Variants in KLHL20 observed in about 807,000 individuals in gnomAD.
KLHL20 encodes kelch like family member 20.
KLHL20 carries 29 observed loss-of-function variants against 69.5 expected under a neutral mutation model. The ratio of observed to expected loss-of-function variants is 0.42; its 90% confidence interval spans 0.31 to 0.57. KLHL20 has a LOEUF of 0.57. Among genes scored for constraint, KLHL20 ranks in the 20% least tolerant of loss-of-function variants. KLHL20 has a pLI of 0.18. For missense variants in KLHL20, 419 were observed against 776.0 expected, an observed-to-expected ratio of 0.54 and a Z score of 5.47; for synonymous variants, 253 against 265.2, an observed-to-expected ratio of 0.95 and a Z score of 0.45.
intron 3 of KLHL20, chr1:173,741,653 G>T: frequency 1.7e-6 from 1 of 576,936 alleles, no homozygotes; most frequent in Non-Finnish European, 2.7e-6. Flanking sequence ...CTTTCTGGTG[G>T]TGATGACCTT....
In KLHL20 at chr1:173,782,147, A is replaced by C. The variant is rs1648922261; in HGVS notation, c.1662A>C (p.Gly554=). The change falls in exon 11 of 12, where the codon GGA becomes GGC. Residue 554 remains glycine, a synonymous_variant. Transcript: ENST00000209884. ...RSGVGLAVVN[G]QLMAVGGFDG... The stretch of plus-strand genomic sequence containing the variant: ...AGGTTGGCCTGGCAGTGGTCAATGG[A>C]CAGCTCATGGCAGTAGGAGGTTTTG... 1 of 1,614,100 alleles carries C rather than the reference A, an allele frequency of 6.2e-7. No individual in the cohort carries two copies. The highest frequency in any genetic ancestry group is 1.3e-5 in the African/African-American group (1 of 75,056).
At chr1:173,777,054 T>C (rs1353014145) in intron 10 of KLHL20, among the ~76,000 whole-genome samples, 2 of 152,234 alleles carry the variant, frequency 1.3e-5, no homozygotes, top group Non-Finnish European at 2.9e-5. Flanking sequence ...TCCATGAACA[T>C]GGAATGTCTT....
At chr1:173,738,395 C>T (rs1672637249) in intron 3 of KLHL20, among the ~76,000 whole-genome samples, 1 of 152,126 alleles carries the variant, frequency 6.6e-6, no homozygotes, top group Non-Finnish European at 1.5e-5. Flanking sequence ...GTCTCAAACT[C>T]CTGAGCTCAG....
Position 173,757,033 on chromosome 1 carries a change from C to G in KLHL20, c.1025C>G (p.Thr342Ser), listed in dbSNP as rs1673579378. The change falls in exon 7 of 12, where the codon ACC (threonine) becomes AGC (serine). Residue 342 changes from threonine to serine, a missense_variant. Physicochemically the swap from Thr to Ser is moderately conservative, Grantham distance 58. Around this residue, in one of 6 missense-constraint regions of KLHL20, gnomAD observed 24 missense variants for 22.5 expected, o/e 1.07. Transcript: ENST00000209884. Reference protein sequence around the residue: ...ISSVERYDPQTNEWRMVASMS... With the variant: ...ISSVERYDPQSNEWRMVASMS... ...AGTGTTGAACGATATGATCCACAGA[C>G]CAATGAATGGAGAATGGTGGCTTCA... 6.2e-7 allele frequency: 1 copy of G among 1,614,074 alleles called. No individual in the cohort carries two copies. The highest frequency in any genetic ancestry group is 8.5e-7 in the Non-Finnish European group (1 of 1,179,992).
At position 173,735,095 on chromosome 1, in the gene KLHL20, AG is replaced by A. The variant is rs1672462656; in HGVS notation, c.597+810del. On this transcript the variant is annotated intron_variant, in intron 3 of 11. Transcript: ENST00000209884. ...CCAAGGGGGGTAGAGGATGTTACATAGTGATTACACAGAAAGAAGAGGGCTA... is the reference window on the plus strand; with the variant it reads ...CCAAGGGGGGTAGAGGATGTTACATATGATTACACAGAAAGAAGAGGGCTA... Among the ~76,000 whole-genome samples, 3 of 152,354 alleles carry A rather than the reference AG, an allele frequency of 2.0e-5. No individual in the cohort carries two copies. The South Asian group carries it at 6.2e-4, about 32-fold the overall frequency.
intron 7 of KLHL20, among the ~76,000 whole-genome samples, chr1:173,760,050 A>G (rs1008513971): frequency 6.6e-6 from 1 of 152,206 alleles, no homozygotes; most frequent in African/African-American, 2.4e-5. Flanking sequence ...GAAACTTTGG[A>G]CACACTTTTA....
chr1:173,729,658 T>G (rs1319040889), intron 2 of KLHL20, among the ~76,000 whole-genome samples: 2 of 152,164 alleles, frequency 1.3e-5, no homozygotes, highest in African/African-American at 2.4e-5. Context: ...AAAAGGCCTG[T>G]GACAAAATTC....
intron 7 of KLHL20, among the ~76,000 whole-genome samples, chr1:173,760,988 G>C (rs548466134): frequency 6.6e-6 from 1 of 152,250 alleles, no homozygotes; most frequent in Non-Finnish European, 1.5e-5. Context: ...TGCTGCCTTT[G>C]GGAGACTCAC....
intron 3 of KLHL20, among the ~76,000 whole-genome samples, chr1:173,735,104 A>G (rs1241923929): frequency 6.6e-6 from 1 of 152,212 alleles, no homozygotes; most frequent in East Asian, 1.9e-4. Context: ...TAGTGATTAC[A>G]CAGAAAGAAG....
At position 173,741,970 on chromosome 1, in the gene KLHL20, A is replaced by G; in HGVS notation, c.597+7684A>G. On this transcript the variant is annotated intron_variant, in intron 3 of 11. Transcript: ENST00000209884. Reference sequence around the variant, plus strand: ...AAGATAAGTGGGAAACCATCTCGATAAACACATTTTGGATAAAAAAAATTG... The same window carrying G: ...AAGATAAGTGGGAAACCATCTCGATGAACACATTTTGGATAAAAAAAATTG... The G allele has an allele frequency of 4.2e-6, 3 of 713,304 alleles. No homozygotes were observed. In the Admixed American group the frequency reaches 7.2e-5, roughly 17 times the overall value. The allele number at this position is 713,304 out of a possible 1,614,324, so 44.2% of individuals were successfully genotyped here.
intron 4 of KLHL20, 57 bp downstream of exon 4, chr1:173,751,979 T>G (rs978206679): frequency 6.5e-7 from 1 of 1,543,022 alleles, no homozygotes; most frequent in African/African-American, 1.4e-5. Context: ...GGCTCATGAC[T>G]GTAATCCCAG....
chr1:173,755,421 T>C (rs1673507987), intron 5 of KLHL20, among the ~76,000 whole-genome samples: 1 of 152,186 alleles, frequency 6.6e-6, no homozygotes, highest in Admixed American at 6.5e-5. Context: ...TATGTCTCGG[T>C]AGACTTGTTG....
intron 10 of KLHL20, among the ~76,000 whole-genome samples, chr1:173,777,384 A>C (rs187646952): frequency 4.2e-4 from 64 of 152,236 alleles, no homozygotes; most frequent in African/African-American, 1.5e-3. Flanking sequence ...CTTCCTTTCC[A>C]ATTTGGATGC....
rs1470073066 is a variant in KLHL20, at chr1:173,774,452, A to G, written c.1429+14A>G. The G allele has an allele frequency of 9.9e-6, 16 of 1,613,802 alleles. No homozygotes were observed. Among genetic ancestry groups the G allele is most frequent in the Non-Finnish European group, 1.3e-5 (15 of 1,179,828 alleles). On this transcript the variant is annotated intron_variant, in intron 9 of 11. Coordinates refer to ENST00000209884, the MANE Select transcript of KLHL20 (RefSeq NM_014458.4). ...CTCTCAACACAGGTTAGTCCCTCCC[A>G]AAGGCAATCAGGTTCCCCAAAAGCA...
chr1:173,760,589 C>T (rs960949123), intron 7 of KLHL20, among the ~76,000 whole-genome samples: 1 of 152,202 alleles, frequency 6.6e-6, no homozygotes, highest in African/African-American at 2.4e-5. Context: ...AAACAATTAT[C>T]AGCCAAGAAT....
At chr1:173,763,953 T>A (rs1647505773) in intron 7 of KLHL20, among the ~76,000 whole-genome samples, 1 of 149,636 alleles carries the variant, frequency 6.7e-6, no homozygotes. Context: ...AAACAGACAA[T>A]CCACAGAGTG....
At position 173,774,297 on chromosome 1, in the gene KLHL20, C is replaced by G; in HGVS notation, c.1296-8C>G. On this transcript the variant is annotated splice_region_variant and splice_polypyrimidine_tract_variant and intron_variant, in intron 8 of 11. Transcript: ENST00000209884. ...AACAAGCATACAGTCTGGTTTCCCT[C>G]ACTGCAGGTATGATCCGAAGGAGAA... 6.2e-7 allele frequency: 1 copy of G among 1,614,124 alleles called. No homozygotes were observed. The highest frequency in any genetic ancestry group is 8.5e-7 in the Non-Finnish European group (1 of 1,180,000).
chr1:173,760,879 G>A (rs1449818061), intron 7 of KLHL20, among the ~76,000 whole-genome samples: 18 of 152,138 alleles, frequency 1.2e-4, no homozygotes, highest in Admixed American at 8.5e-4. Context: ...GTAAAGTAAC[G>A]GTACCTCACA....
chr1:173,761,745 A>G (rs930474419), intron 7 of KLHL20, among the ~76,000 whole-genome samples: 10 of 152,218 alleles, frequency 6.6e-5, no homozygotes, highest in Admixed American at 4.6e-4. Context: ...AGGCGGTGCT[A>G]AGAGGAAAGT....
Sources: allele counts gnomAD v4.1 joint callset (sites outside exome capture counted in the v4.1 genomes callset), GRCh38; gene constraint gnomAD v4.1.1; regional missense constraint gnomAD v4.1.1; transcripts MANE v1.5; gene names NCBI Gene and HGNC (gene_info 2026-07-23, HGNC 2026-07-21).